PCDHA1: variants seen among roughly 807,000 people sequenced by gnomAD.
PCDHA1 encodes the protein protocadherin alpha 1.
Under a neutral mutation model 61.3 loss-of-function variants are expected in PCDHA1, and 42 were observed. The ratio of observed to expected loss-of-function variants is 0.69; its 90% CI spans 0.54 to 0.89. The LOEUF (loss-of-function observed/expected upper bound fraction) is 0.89, where lower values mean the gene tolerates loss of function less well. Among genes scored for constraint, PCDHA1 ranks in the 40% least tolerant of loss-of-function variants. The probability of loss-of-function intolerance (pLI) is 0.00; values close to 1 mark genes in which losing one functional copy is unlikely to be tolerated. For synonymous variants in PCDHA1, 610 were observed against 553.8 expected, an observed-to-expected ratio of 1.10 and a Z score of -1.43; for missense variants, 1,256 against 1,235.3, an observed-to-expected ratio of 1.02 and a Z score of -0.25.
chr5:140,830,232 C>G (rs782042680), intron 1 of PCDHA1: 1 of 1,613,810 alleles, frequency 6.2e-7, no homozygotes, highest in African/African-American at 1.3e-5. Context: ...CTGGTCCTCA[C>G]GCTACTGCTG....
intron 1 of PCDHA1, among the ~76,000 whole-genome samples, chr5:140,941,194 T>TCTTTCTTC (rs781885331): frequency 0.027 from 3,012 of 112,124 alleles, 85 homozygotes; most frequent in African/African-American, 0.068. Flanking sequence ...TCTTTTTTTT[T>TCTTTCTTC]CTTTCTTCCT....
chr5:140,808,600 C>A, intron 1 of PCDHA1: 2 of 1,613,924 alleles, frequency 1.2e-6, no homozygotes, highest in Non-Finnish European at 1.7e-6. Context: ...ACCCGCCGGG[C>A]TGCCACATCT....
At chr5:141,000,395 C>CTATATA (rs1190667031) in intron 3 of PCDHA1, among the ~76,000 whole-genome samples, 4 of 53,980 alleles carry the variant, frequency 7.4e-5, no homozygotes, top group East Asian at 6.1e-4. Context: ...CTCTCTCTCT[C>CTATATA]TATATATATA....
At chr5:140,880,095 A>G (rs2058235665) in intron 1 of PCDHA1, among the ~76,000 whole-genome samples, 1 of 152,246 alleles carries the variant, frequency 6.6e-6, no homozygotes, top group South Asian at 2.1e-4. Flanking sequence ...AGTAGGCTTA[A>G]AATCATAGAA....
At chr5:140,861,440 C>T (rs575320775) in intron 1 of PCDHA1, 3 of 493,406 alleles carry the variant, frequency 6.1e-6, no homozygotes, top group South Asian at 4.7e-5. Context: ...ATTCCAAAAG[C>T]CGCAGAAACC....
rs1554169291 is a variant in PCDHA1 at position 140,877,075 on chromosome 5, G to A, written c.2394+88391G>A. On this transcript the variant is annotated intron_variant, in intron 1 of 3. Transcript: ENST00000504120. ...GGAGCTGGAGCTGCTGCAGTTCCAGGTGAGCGCGCGCGACGCCGGCGTGCC... is the reference window on the plus strand; with the variant it reads ...GGAGCTGGAGCTGCTGCAGTTCCAGATGAGCGCGCGCGACGCCGGCGTGCC... 6.2e-7 allele frequency: 1 copy of A among 1,612,986 alleles called. No individual in the cohort carries two copies. The highest frequency in any genetic ancestry group is 1.1e-5 in the South Asian group (1 of 91,036).
intron 1 of PCDHA1, among the ~76,000 whole-genome samples, chr5:140,972,402 G>A (rs1554234110): frequency 6.6e-6 from 1 of 151,784 alleles, no homozygotes; most frequent in Non-Finnish European, 1.5e-5. Context: ...TTCACTATTG[G>A]CAAACCCTGT....
Position 140,787,419 on chromosome 5 carries a change from C to A in PCDHA1, c.1129C>A (p.Arg377Ser). ...CATCGCCCTCATCACCGTGTCTGAC[C>A]GTGACTCAGGTGCCAACGGGCAGGT... ...TVIALITVSD[R>S]DSGANGQVTC... The change falls in exon 1 of 4, where the codon CGT becomes AGT. Residue 377 changes from arginine (R) to serine (S), a missense_variant. Coordinates refer to ENST00000504120, the MANE Select transcript of PCDHA1 (RefSeq NM_018900.4). The A allele has an allele frequency of 1.2e-6, 2 of 1,614,224 alleles. No individual in the cohort carries two copies. The highest frequency in any genetic ancestry group is 8.5e-7 in the Non-Finnish European group (1 of 1,180,042).
intron 1 of PCDHA1, among the ~76,000 whole-genome samples, chr5:140,912,539 T>C (rs2075967162): frequency 6.6e-6 from 1 of 152,172 alleles, no homozygotes; most frequent in Non-Finnish European, 1.5e-5. Flanking sequence ...CATGATCATA[T>C]TGTCAGCAAA....
chr5:140,928,068 CA>C, intron 1 of PCDHA1: 1 of 1,614,214 alleles, frequency 6.2e-7, no homozygotes, highest in South Asian at 1.1e-5. Context: ...CTTCCTTTGA[CA>C]ACTACTACAG....
chr5:140,870,629 T>C, intron 1 of PCDHA1: 2 of 1,612,984 alleles, frequency 1.2e-6, no homozygotes, highest in East Asian at 4.5e-5. Flanking sequence ...TACGTGTCGG[T>C]GCACGCGGAG....
At chr5:140,871,122 G>A (rs782184692) in intron 1 of PCDHA1, 2 of 1,613,344 alleles carry the variant, frequency 1.2e-6, no homozygotes, top group South Asian at 2.2e-5. Flanking sequence ...AGAGCGGACA[G>A]GCGCCAAAGG....
chr5:140,823,291 T>G (rs1767641438), intron 1 of PCDHA1: 1 of 1,612,324 alleles, frequency 6.2e-7, no homozygotes, highest in African/African-American at 1.3e-5. Context: ...GCTGTCGAGT[T>G]ACGTTTCGGT....
At chr5:140,796,246 C>A (rs1554119786) in intron 1 of PCDHA1, 27 of 1,614,148 alleles carry the variant, frequency 1.7e-5, no homozygotes, top group Non-Finnish European at 2.1e-5. Context: ...GGTGACCGCA[C>A]GGGACGGGGG....
intron 1 of PCDHA1, chr5:140,856,664 C>T (rs782626089): frequency 6.3e-7 from 1 of 1,598,020 alleles, no homozygotes; most frequent in Non-Finnish European, 8.6e-7. Context: ...AGAAAATCCT[C>T]AGCTAAAGTT....
At chr5:140,925,955 G>T (rs1350124934) in intron 1 of PCDHA1, among the ~76,000 whole-genome samples, 1 of 152,076 alleles carries the variant, frequency 6.6e-6, no homozygotes. Context: ...AGGAGAAACT[G>T]CTATCACGCA....
intron 1 of PCDHA1, chr5:140,849,385 C>T: frequency 1.3e-6 from 2 of 1,527,726 alleles, no homozygotes; most frequent in South Asian, 2.3e-5. Context: ...CACATGGACC[C>T]CTTAAGTGGG....
chr5:140,828,622 C>T lies in PCDHA1; in HGVS notation c.2394+39938C>T. 7.4e-6 allele frequency: 12 copies of T among 1,614,144 alleles called. 1 individual carries two copies. In the South Asian group the frequency reaches 1.3e-4, roughly 18 times the overall value. On this transcript the variant is annotated intron_variant, in intron 1 of 3. Transcript: ENST00000504120. ...CCTATAAACTCAGTTCTAGCGAATA[C>T]TTCGGGCTAGATGTGAAAATAAACA...
intron 1 of PCDHA1, chr5:140,967,981 G>A (rs1192553799): frequency 4.3e-6 from 7 of 1,614,084 alleles, no homozygotes; most frequent in African/African-American, 1.3e-5. Flanking sequence ...TGGGTCTGGA[G>A]GCCACACTGC....
Sources: gnomAD v4.1 joint callset for allele counts (sites outside exome capture counted in the v4.1 genomes callset) on GRCh38, gnomAD v4.1.1 for gene constraint, MANE v1.5 for transcripts, NCBI Gene and HGNC (gene_info 2026-07-23, HGNC 2026-07-21) for gene names.